Variants in C1QTNF12 observed in about 807,000 individuals in gnomAD.
C1QTNF12 encodes adipolin.
In C1QTNF12, 39 loss-of-function variants were observed where a neutral mutation model predicts 34.3. The ratio of observed to expected loss-of-function variants is 1.14; its 90% CI spans 0.88 to 1.49. C1QTNF12 has a LOEUF of 1.49. Among genes scored for constraint, C1QTNF12 ranks in the 40% most tolerant of loss-of-function variants. The probability of loss-of-function intolerance (pLI) is 0.00; values close to 1 mark genes in which losing one functional copy is unlikely to be tolerated. For missense variants in C1QTNF12, 497 were observed against 424.7 expected (o/e 1.17, Z -1.50); for synonymous variants, 220 against 196.9 (o/e 1.12, Z -0.98).
At chr1:1,245,365 G>C (rs1272216282) in intron 1 of C1QTNF12, among the ~76,000 whole-genome samples, 2 of 140,898 alleles carry the variant, frequency 1.4e-5, no homozygotes, top group African/African-American at 5.4e-5. Flanking sequence ...CGGCGCCCTG[G>C]AGGGGCCTGT....
At position 1,246,618 on chromosome 1, in the gene C1QTNF12, C is replaced by T. The variant is rs1488272812; in HGVS notation, c.73G>A (p.Ala25Thr). ...TGCGTCCTCTGTGCCTCCCGCCGGG[C>T]CCCGACGCCCCCGAGGAGCACGAGC... Reference protein sequence around the residue: ...PQLVLLGGVGARREAQRTQQP... With the variant: ...PQLVLLGGVGTRREAQRTQQP... The change falls in exon 1 of 8, where the codon GCC becomes ACC. Residue 25 changes from alanine (A) to threonine (T), a missense_variant. By Grantham distance (58) the Ala-to-Thr change is moderately conservative. Transcript: ENST00000330388. This position sits in a 1 kb window ranked among gnomAD's most constrained non-coding sequence, Gnocchi z 4.5. The T allele has an allele frequency of 2.4e-6, 3 of 1,243,928 alleles. No homozygotes were observed. Among genetic ancestry groups the T allele is most frequent in the Non-Finnish European group, 3.0e-6 (3 of 994,386 alleles). The allele number at this position is 1,243,928 out of a possible 1,614,324, so 77.1% of individuals were successfully genotyped here.
intron 5 of C1QTNF12, 72 bp downstream of exon 5, chr1:1,243,372 C>T (rs1028222169): frequency 1.4e-6 from 2 of 1,396,534 alleles, no homozygotes; most frequent in African/African-American, 1.4e-5. Flanking sequence ...CCGGGGCCGG[C>T]GATGCCAGGC....
At chr1:1,242,739 A>G (rs1638770975) in intron 7 of C1QTNF12, 93 bp from the exon 8 acceptor site, 1 of 1,554,464 alleles carries the variant, frequency 6.4e-7, no homozygotes, top group Non-Finnish European at 8.8e-7. Flanking sequence ...GGAGGTGCCG[A>G]GGCCCCAGAG....
At chr1:1,243,184 TGGGGGGCGGGGTGGGGGCTGGTGGGGA>T in intron 5 of C1QTNF12, 32 bp from the exon 6 acceptor site, 1 of 76,446 alleles carries the variant, frequency 1.3e-5, no homozygotes, top group Non-Finnish European at 2.2e-5. Context: ...GGGTGGTGCA[TGGGGGGCGGGGTGGGGGCTGGTGGGGA>T]GGGGCTTCAG....
In C1QTNF12 at chr1:1,246,660, C is replaced by T. The variant is rs947814591; in HGVS notation, c.31G>A (p.Val11Ile). Residue 11 changes from valine (V) to isoleucine (I), a missense_variant, in exon 1 of 8, where the codon GTC (valine) becomes ATC (isoleucine). By Grantham distance (29) the Val-to-Ile change is conservative (BLOSUM62 3). Coordinates refer to ENST00000330388, the MANE Select transcript of C1QTNF12 (RefSeq NM_001014980.3). The surrounding 1 kb of genome is among the most constrained non-coding windows in gnomAD (Gnocchi z 4.5). The stretch of plus-strand genomic sequence containing the variant: ...AGCACGAGCTGCGGCCCGAGGAGGA[C>T]CACGACCGCGGCCCAGGCCCAGCGC... MRRWAWAAVV[V>I]LLGPQLVLLG... The T allele has an allele frequency of 7.3e-6, 9 of 1,229,960 alleles. No individual in the cohort carries two copies. The South Asian group carries it at 1.2e-4, about 16-fold the overall frequency. 76.2% of individuals were successfully genotyped at this position (1,229,960 alleles called of 1,614,324 possible).
chr1:1,243,667 A>G, intron 4 of C1QTNF12, 115 bp from the exon 5 acceptor site: 1 of 909,784 alleles, frequency 1.1e-6, no homozygotes, highest in Non-Finnish European at 1.7e-6. Flanking sequence ...CTCTCCCGGG[A>G]CCCTCACGCT....
In C1QTNF12 at chr1:1,244,051, G is replaced by A. The variant is rs565342352; in HGVS notation, c.434C>T (p.Ala145Val). ...GGCCTCGCCCACCAGCCGCAGGCCC[G>A]CCCCCTGGGGCAGCAGCGGGTCCAG... is the stretch of plus-strand genomic sequence containing the variant. ...GLLDPLLPQG[A>V]GLRLVGEAFH... Residue 145 changes from alanine to valine, a missense_variant, in exon 4 of 8, where the codon GCG becomes GTG. Coordinates refer to ENST00000330388, the MANE Select transcript of C1QTNF12 (RefSeq NM_001014980.3). 1.1e-5 allele frequency: 18 copies of A among 1,597,418 alleles called. No individual in the cohort carries two copies. Among genetic ancestry groups the A allele is most frequent in the East Asian group, 4.5e-5 (2 of 44,396 alleles).
intron 7 of C1QTNF12, 86 bp from the exon 8 acceptor site, chr1:1,242,732 G>C: frequency 6.4e-7 from 1 of 1,551,992 alleles, no homozygotes; most frequent in Non-Finnish European, 8.8e-7. Flanking sequence ...TGCGCTAGGA[G>C]GTGCCGAGGC....
chr1:1,244,245 C>T lies in C1QTNF12; in HGVS notation c.325G>A (p.Gly109Ser). The T allele has an allele frequency of 6.3e-7, 1 of 1,597,822 alleles. No homozygotes were observed. Among genetic ancestry groups the T allele is most frequent in the Non-Finnish European group, 8.5e-7 (1 of 1,172,088 alleles). Residue 109 changes from glycine to serine, a missense_variant, in exon 3 of 8, where the codon GGT (glycine) becomes AGT (serine). Physicochemically the swap from Gly to Ser is moderately conservative, Grantham distance 56 (BLOSUM62 0). Transcript: ENST00000330388. ...RDLFGPPGPP[G>S]AEVTAETLLH... ...AGAGTCTCCGCGGTCACTTCTGCACCTGGAGGTCCTGGGGGACCGAAGAGA... is the reference window on the plus strand; with the variant it reads ...AGAGTCTCCGCGGTCACTTCTGCACTTGGAGGTCCTGGGGGACCGAAGAGA...
upstream of C1QTNF12, chr1:1,246,737 C>A (rs1570516691): frequency 8.3e-7 from 1 of 1,206,020 alleles, no homozygotes; most frequent in Non-Finnish European, 1.0e-6. This position sits in a 1 kb window ranked among gnomAD's most constrained non-coding sequence, Gnocchi z 4.5. Context: ...GGCGCCAGGG[C>A]GCAGTCATGG....
Position 1,243,558 on chromosome 1 carries a change from A to AG in C1QTNF12, c.532-7dup. Reference sequence around the variant, plus strand: ...AAGGCACCTTGGGCAGCAGGCTGTGAGGGGCAGTGGGTGAGCGGCCAGCGC... The same window carrying AG: ...AAGGCACCTTGGGCAGCAGGCTGTGAGGGGGCAGTGGGTGAGCGGCCAGCGC... On this transcript the variant is annotated splice_polypyrimidine_tract_variant and splice_region_variant and intron_variant, in intron 4 of 7. Coordinates refer to ENST00000330388, the MANE Select transcript of C1QTNF12 (RefSeq NM_001014980.3). 1 of 1,549,188 alleles carries AG rather than the reference A, an allele frequency of 6.5e-7. No homozygotes were observed. The highest frequency in any genetic ancestry group is 8.7e-7 in the Non-Finnish European group (1 of 1,145,994).
At position 1,246,093 on chromosome 1, in the gene C1QTNF12, G is replaced by A. The variant is rs1020381966; in HGVS notation, c.177+421C>T. Among the ~76,000 whole-genome samples the A allele has an allele frequency of 2.0e-5, 3 of 152,190 alleles. No individual in the cohort carries two copies. Among genetic ancestry groups the A allele is most frequent in the Non-Finnish European group, 4.4e-5 (3 of 68,020 alleles). ...GGACAGGCTCGCCATGGCGTCTCCA[G>A]CCGCAGGAGTCATGGGGCGCTGGAC... is the stretch of plus-strand genomic sequence containing the variant. On this transcript the variant is annotated intron_variant, in intron 1 of 7. Coordinates refer to ENST00000330388, the MANE Select transcript of C1QTNF12 (RefSeq NM_001014980.3). The surrounding 1 kb of genome is among the most constrained non-coding windows in gnomAD (Gnocchi z 4.5).
intron 1 of C1QTNF12, 119 bp from the exon 2 acceptor site, chr1:1,244,616 A>G (rs1188321782): frequency 2.6e-6 from 2 of 781,478 alleles, no homozygotes; most frequent in Non-Finnish European, 4.4e-6. Context: ...CAGGAGAAGG[A>G]CCCACGGCCG....
At chr1:1,247,106 C>T (rs999368116), upstream of C1QTNF12, among the ~76,000 whole-genome samples, 2 of 152,160 alleles carry the variant, frequency 1.3e-5, no homozygotes, top group African/African-American at 4.8e-5. Context: ...AGACCCCACC[C>T]TGCCCCCATT....
intron 4 of C1QTNF12, 89 bp downstream of exon 4, chr1:1,243,865 G>A: frequency 1.5e-6 from 2 of 1,359,294 alleles, no homozygotes; most frequent in Non-Finnish European, 2.0e-6. Context: ...CCCACATGCT[G>A]CCCCATGAGT....
At chr1:1,243,184 T>C (rs890214929) in intron 5 of C1QTNF12, 32 bp from the exon 6 acceptor site, 2 of 76,298 alleles carry the variant, frequency 2.6e-5, no homozygotes, top group African/African-American at 6.1e-4. Flanking sequence ...GGGTGGTGCA[T>C]GGGGGGCGGG....
At position 1,244,284 on chromosome 1, in the gene C1QTNF12, A is replaced by G; in HGVS notation, c.295-9T>C. ...GGACCGAAGAGATCCCGCTGGGGGGAGAGAGAAGCAGGTGAGGGGCCCAGT... is the reference window on the plus strand; with the variant it reads ...GGACCGAAGAGATCCCGCTGGGGGGGGAGAGAAGCAGGTGAGGGGCCCAGT... On this transcript the variant is annotated splice_polypyrimidine_tract_variant and intron_variant, in intron 2 of 7. Transcript: ENST00000330388. The G allele has an allele frequency of 1.3e-6, 2 of 1,589,718 alleles. No homozygotes were observed. The highest frequency in any genetic ancestry group is 1.7e-6 in the Non-Finnish European group (2 of 1,164,810).
upstream of C1QTNF12, chr1:1,246,787 CCAG>C (rs1638905050): frequency 1.1e-6 from 1 of 931,584 alleles, no homozygotes; most frequent in East Asian, 4.0e-5. This position sits in a 1 kb window ranked among gnomAD's most constrained non-coding sequence, Gnocchi z 4.5. Context: ...GGGGCGAGGC[CCAG>C]GGGCGCGCCC....
rs764663739 is a variant in C1QTNF12 at position 1,244,402 on chromosome 1, G to A, written c.273C>T (p.Cys91=). ...TCACCGGCTTCTTGTCCCTGCTTCC[G>A]CACCGCTTCCTTAAGGCGCCGTCGT... is the stretch of plus-strand genomic sequence containing the variant. ...RPDDGALRKR[C]GSRDKKPRDL... Residue 91 remains cysteine (C), a synonymous_variant, in exon 2 of 8, where the codon TGC becomes TGT. Coordinates refer to ENST00000330388, the MANE Select transcript of C1QTNF12 (RefSeq NM_001014980.3). 3.5e-5 allele frequency: 56 copies of A among 1,611,728 alleles called. 1 individual carries two copies. In the Admixed American group the frequency reaches 6.7e-4, roughly 19 times the overall value.
Sources: allele counts gnomAD v4.1 joint callset (sites outside exome capture counted in the v4.1 genomes callset), GRCh38; gene constraint gnomAD v4.1.1; non-coding constraint Gnocchi (gnomAD v3.1); transcripts MANE v1.5; gene names NCBI Gene and HGNC (gene_info 2026-07-23, HGNC 2026-07-21).